Variants in FOXK1 observed in about 807,000 individuals in gnomAD.
FOXK1 encodes the protein forkhead box protein K1.
In FOXK1, 19 loss-of-function variants were observed where a neutral mutation model predicts 51.9. That is an observed-to-expected ratio of 0.37 (90% CI 0.26 to 0.54). The LOEUF is 0.54. Among genes scored for constraint, FOXK1 ranks in the 20% least tolerant of loss-of-function variants. FOXK1 has a pLI of 0.87. For missense variants in FOXK1, 870 were observed against 1,032.7 expected, an observed-to-expected ratio of 0.84 and a Z score of 2.16; for synonymous variants, 537 against 482.6, an observed-to-expected ratio of 1.11 and a Z score of -1.48.
chr7:4,724,877 C>G (rs1237264625), intron 1 of FOXK1, among the ~76,000 whole-genome samples: 1 of 152,224 alleles, frequency 6.6e-6, no homozygotes, highest in Non-Finnish European at 1.5e-5. Flanking sequence ...GTGCCGTAGG[C>G]CACACCCACT....
At chr7:4,737,405 C>T (rs574457834) in intron 1 of FOXK1, among the ~76,000 whole-genome samples, 13 of 152,174 alleles carry the variant, frequency 8.5e-5, no homozygotes, top group African/African-American at 2.9e-4. Flanking sequence ...CCATCGTGTC[C>T]AGCACTGGTG....
chr7:4,747,035 G>T lies in FOXK1; in HGVS notation c.746+6012G>T, dbSNP rs936701337. 6.6e-6 allele frequency among the ~76,000 whole-genome samples: 1 copy of T among 152,170 alleles called. No homozygotes were observed. On this transcript the variant is annotated intron_variant, in intron 2 of 8. Transcript: ENST00000328914. This position sits in a 1 kb window ranked among gnomAD's most constrained non-coding sequence, Gnocchi z 9.2. ...TTTTCCCTCCTGCCTAGATCCCTTC[G>T]AGGGGCAACTTTGGCGCTAAAGTGT...
rs1487078645 is a variant in FOXK1, at chr7:4,733,592, G to A, written c.561-7246G>A. On this transcript the variant is annotated intron_variant, in intron 1 of 8. Coordinates refer to ENST00000328914, the MANE Select transcript of FOXK1 (RefSeq NM_001037165.2). The surrounding 1 kb of genome is among the most constrained non-coding windows in gnomAD (Gnocchi z 5.0). ...GGCAGAGAAACATGGTCTTCAGTTG[G>A]GTGGACGTTTCTCTGTCTCCATGTT... Among the ~76,000 whole-genome samples the A allele has an allele frequency of 1.3e-5, 2 of 152,178 alleles. No individual in the cohort carries two copies. The highest frequency in any genetic ancestry group is 4.8e-5 in the African/African-American group (2 of 41,446).
chr7:4,689,562 G>A (rs1482716549), intron 1 of FOXK1, among the ~76,000 whole-genome samples: 2 of 152,154 alleles, frequency 1.3e-5, no homozygotes, highest in African/African-American at 2.4e-5. Flanking sequence ...TTGTTACGAC[G>A]TCGCATGTTA....
chr7:4,708,945 G>A (rs1311609898), intron 1 of FOXK1, among the ~76,000 whole-genome samples: 1 of 151,884 alleles, frequency 6.6e-6, no homozygotes, highest in Non-Finnish European at 1.5e-5. Flanking sequence ...TGTGCCTGTA[G>A]TCCCAGCTAC....
chr7:4,752,009 G>A (rs924588962), intron 2 of FOXK1, among the ~76,000 whole-genome samples: 4 of 152,092 alleles, frequency 2.6e-5, no homozygotes. Context: ...CTAGAGTGCA[G>A]TGGTGTGATC....
intron 1 of FOXK1, among the ~76,000 whole-genome samples, chr7:4,724,695 T>A (rs2115050286): frequency 6.6e-6 from 1 of 152,342 alleles, no homozygotes; most frequent in East Asian, 1.9e-4. Context: ...CTGCTTCCAC[T>A]GGTCTGTGAA....
At chr7:4,695,100 C>G (rs979034753) in intron 1 of FOXK1, among the ~76,000 whole-genome samples, 1 of 152,252 alleles carries the variant, frequency 6.6e-6, no homozygotes, top group Non-Finnish European at 1.5e-5. Flanking sequence ...AGAAGGAGAA[C>G]TGCAAAGTTT....
chr7:4,759,367 C>G lies in FOXK1; in HGVS notation c.1468C>G (p.Leu490Val), dbSNP rs1440448886. 1.2e-6 allele frequency: 2 copies of G among 1,602,524 alleles called. No individual in the cohort carries two copies. The highest frequency in any genetic ancestry group is 2.7e-5 in the African/African-American group (2 of 74,906). Residue 490 changes from leucine to valine, a missense_variant, in exon 7 of 9, where the codon CTC becomes GTC. Transcript: ENST00000328914. ...GGCCGTGCCTCCCCGACCGTCCAGC[C>G]TCGTGGCCAAGCCCGTGGCCTACAT... Reference protein sequence around the residue: ...IMAVPPRPSSLVAKPVAYMPA... With the variant: ...IMAVPPRPSSVVAKPVAYMPA...
chr7:4,696,115 C>CAAAA (rs1192472036), intron 1 of FOXK1, among the ~76,000 whole-genome samples: 3 of 80,134 alleles, frequency 3.7e-5, no homozygotes, highest in Non-Finnish European at 5.5e-5. Context: ...GACTGTGTCT[C>CAAAA]AAAAAAAAAA....
At position 4,753,003 on chromosome 7, in the gene FOXK1, A is replaced by C. The variant is rs1583210031; in HGVS notation, c.747-1456A>C. ...AAAGGTTTCCTTTTGACTGTTTCCT[A>C]CCTCGATCGAGCCATTTGTGGGTGT... On this transcript the variant is annotated intron_variant, in intron 2 of 8. Transcript: ENST00000328914. This position sits in a 1 kb window ranked among gnomAD's most constrained non-coding sequence, Gnocchi z 4.9. Among the ~76,000 whole-genome samples the C allele has an allele frequency of 6.6e-6, 1 of 152,050 alleles. No homozygotes were observed. Among genetic ancestry groups the C allele is most frequent in the African/African-American group, 2.4e-5 (1 of 41,374 alleles).
Position 4,758,952 on chromosome 7 carries a change from C to T in FOXK1, c.1245-99C>T, listed in dbSNP as rs866479920. ...GAGGACAGAGACGAGCTCCAGGGAG[C>T]GTGGGCGGGTGACGGCGCTGAGATG... On this transcript the variant is annotated intron_variant, in intron 5 of 8. Coordinates refer to ENST00000328914, the MANE Select transcript of FOXK1 (RefSeq NM_001037165.2). This position sits in a 1 kb window ranked among gnomAD's most constrained non-coding sequence, Gnocchi z 4.4. The T allele has an allele frequency of 4.5e-5, 58 of 1,294,232 alleles. No individual in the cohort carries two copies. The highest frequency in any genetic ancestry group is 3.4e-4 in the African/African-American group (23 of 67,122). The allele number at this position is 1,294,232 out of a possible 1,614,324, so 80.2% of individuals were successfully genotyped here. A position where few individuals can be genotyped will look rare whatever the true frequency, so the allele number is the denominator to read the frequency against.
At chr7:4,739,044 C>T (rs1382904990) in intron 1 of FOXK1, among the ~76,000 whole-genome samples, 1 of 152,152 alleles carries the variant, frequency 6.6e-6, no homozygotes, top group Non-Finnish European at 1.5e-5. Context: ...AACGCTTTGA[C>T]GAAGAGCAAA....
At position 4,741,027 on chromosome 7, in the gene FOXK1, A is replaced by G. The variant is rs761011379; in HGVS notation, c.746+4A>G. The G allele has an allele frequency of 4.0e-6, 6 of 1,508,190 alleles. No homozygotes were observed. In the East Asian group the frequency reaches 1.6e-4, roughly 40 times the overall value. 93.4% of individuals were successfully genotyped at this position (1,508,190 alleles called of 1,614,324 possible). ...CCTCCCCGACGGGCACCATCAGGTGAGTAGCCCCCCAGCCTGCCCTTGGGC... is the reference window on the plus strand; with the variant it reads ...CCTCCCCGACGGGCACCATCAGGTGGGTAGCCCCCCAGCCTGCCCTTGGGC... On this transcript the variant is annotated splice_donor_region_variant and intron_variant, in intron 2 of 8. Transcript: ENST00000328914.
rs566323136 is a variant in FOXK1, at chr7:4,770,927, G to A, written c.*8463G>A. 6.8e-6 allele frequency: 1 copy of A among 146,876 alleles called. No individual in the cohort carries two copies. Among genetic ancestry groups the A allele is most frequent in the African/African-American group, 2.7e-5 (1 of 37,424 alleles). 9.1% of individuals were successfully genotyped at this position (146,876 alleles called of 1,614,324 possible). ...TATTTTTTTTTTTACAGTGGCGCCT[G>A]TCTAAAGTATTTTTCACAACATGTT... On this transcript the variant is annotated 3_prime_UTR_variant, in exon 9 of 9. Coordinates refer to ENST00000328914, the MANE Select transcript of FOXK1 (RefSeq NM_001037165.2).
chr7:4,715,064 T>C lies in FOXK1; in HGVS notation c.561-25774T>C, dbSNP rs1780217371. Among the ~76,000 whole-genome samples the C allele has an allele frequency of 6.6e-6, 1 of 152,024 alleles. No homozygotes were observed. Among genetic ancestry groups the C allele is most frequent in the Non-Finnish European group, 1.5e-5 (1 of 68,024 alleles). The stretch of plus-strand genomic sequence containing the variant: ...TAGGCTTGGGGCGTAGCTTTTCTGA[T>C]CAGATGAGTTTCACGGCTTTAGTAC... On this transcript the variant is annotated intron_variant, in intron 1 of 8. Coordinates refer to ENST00000328914, the MANE Select transcript of FOXK1 (RefSeq NM_001037165.2). The surrounding 1 kb of genome is among the most constrained non-coding windows in gnomAD (Gnocchi z 4.5).
At chr7:4,689,561 C>T (rs748981255) in intron 1 of FOXK1, among the ~76,000 whole-genome samples, 14 of 152,162 alleles carry the variant, frequency 9.2e-5, no homozygotes, top group Non-Finnish European at 1.6e-4. Flanking sequence ...CTTGTTACGA[C>T]GTCGCATGTT....
At chr7:4,719,122 T>G (rs529896308) in intron 1 of FOXK1, among the ~76,000 whole-genome samples, 146 of 129,342 alleles carry the variant, frequency 1.1e-3, no homozygotes, top group African/African-American at 5.2e-3. Context: ...TTTTTTTTGT[T>G]TTTTTTTTGT....
At position 4,748,315 on chromosome 7, in the gene FOXK1, T is replaced by C. The variant is rs1780732203; in HGVS notation, c.747-6144T>C. On this transcript the variant is annotated intron_variant, in intron 2 of 8. Coordinates refer to ENST00000328914, the MANE Select transcript of FOXK1 (RefSeq NM_001037165.2). The surrounding 1 kb of genome is among the most constrained non-coding windows in gnomAD (Gnocchi z 4.9). The stretch of plus-strand genomic sequence containing the variant: ...AGATATTACACATGAGGTTCCTATA[T>C]GGAAATTAAGGATTTAGCTTCCCCC... 6.6e-6 allele frequency among the ~76,000 whole-genome samples: 1 copy of C among 152,202 alleles called. No homozygotes were observed.
Sources: allele counts gnomAD v4.1 joint callset (sites outside exome capture counted in the v4.1 genomes callset), GRCh38; gene constraint gnomAD v4.1.1; non-coding constraint Gnocchi (gnomAD v3.1); transcripts MANE v1.5; gene names NCBI Gene and HGNC (gene_info 2026-07-23, HGNC 2026-07-21).